The following G3BP2 variants were observed in gnomAD, a reference collection of about 807,000 sequenced individuals.
G3BP2 encodes G3BP stress granule assembly factor 2.
Under a neutral mutation model 56.7 loss-of-function variants are expected in G3BP2, and 11 were observed. The observed-to-expected ratio is 0.19, with a 90% CI of 0.12 to 0.32. The LOEUF is 0.32. Among genes scored for constraint, G3BP2 ranks in the 10% least tolerant of loss-of-function variants. The pLI is 1.00. For synonymous variants in G3BP2, 165 were observed against 191.6 expected, an observed-to-expected ratio of 0.86 and a Z score of 1.15; for missense variants, 340 against 610.9, an observed-to-expected ratio of 0.56 and a Z score of 4.67.
At chr4:75,673,685 C>T, upstream of G3BP2, 2 of 1,148,724 alleles carry the variant, frequency 1.7e-6, no homozygotes. Flanking sequence ...GAGGCTCCAG[C>T]CTTGCCGCCC....
chr4:75,713,998 C>T (rs1719844480), intron 3 of G3BP2, among the ~76,000 whole-genome samples: 1 of 152,102 alleles, frequency 6.6e-6, no homozygotes, highest in Non-Finnish European at 1.5e-5. Context: ...ATGAAAGACA[C>T]AGAAAGATGG....
chr4:75,645,767 G>C, intron 11 of G3BP2, 65 bp from the exon 12 acceptor site: 1 of 1,397,702 alleles, frequency 7.2e-7, no homozygotes, highest in Admixed American at 1.8e-5. Flanking sequence ...TGATTACTCT[G>C]AACAGGTCAG....
At chr4:75,666,687 T>C (rs538891985) in intron 1 of G3BP2, among the ~76,000 whole-genome samples, 1 of 152,084 alleles carries the variant, frequency 6.6e-6, no homozygotes, top group Non-Finnish European at 1.5e-5. Flanking sequence ...CGTAAGAAGG[T>C]TGAGAAAAAG....
chr4:75,692,564 C>T (rs13119325), intron 3 of G3BP2, among the ~76,000 whole-genome samples: 35,187 of 151,962 alleles, frequency 0.23, 4,339 homozygotes, highest in Middle Eastern at 0.36. Context: ...CCCACCTCGG[C>T]CTCCCAAAGT....
Position 75,648,574 on chromosome 4 carries a change from T to G in G3BP2, c.928+65A>C, listed in dbSNP as rs1731420176. 4.8e-6 allele frequency: 4 copies of G among 841,902 alleles called. No homozygotes were observed. In the Admixed American group the frequency reaches 8.3e-5, roughly 17 times the overall value. The allele number at this position is 841,902 out of a possible 1,614,324, so 52.2% of individuals were successfully genotyped here. The stretch of plus-strand genomic sequence containing the variant: ...TATAGAACGCATCATAGTTTTTTGT[T>G]TAAGTTCAGTCTTTTACAGCCTTAC... On this transcript the variant is annotated intron_variant, in intron 9 of 11. Transcript: ENST00000359707.
At chr4:75,645,973 G>A (rs933283688) in intron 11 of G3BP2, among the ~76,000 whole-genome samples, 3 of 151,972 alleles carry the variant, frequency 2.0e-5, no homozygotes, top group Non-Finnish European at 4.4e-5. Flanking sequence ...ACCATGGCCG[G>A]CTATTTTTCT....
At chr4:75,687,198 G>T (rs1000476824) in intron 3 of G3BP2, among the ~76,000 whole-genome samples, 5 of 152,098 alleles carry the variant, frequency 3.3e-5, no homozygotes, top group Non-Finnish European at 7.4e-5. Context: ...CCTATGGGTT[G>T]TGGAAGGGAC....
chr4:75,691,967 C>A (rs535983877), intron 3 of G3BP2, among the ~76,000 whole-genome samples: 1 of 152,148 alleles, frequency 6.6e-6, no homozygotes, highest in Non-Finnish European at 1.5e-5. Flanking sequence ...AATCTAAATT[C>A]TCTGCCATTT....
chr4:75,702,945 C>T (rs776583678), intron 3 of G3BP2, among the ~76,000 whole-genome samples: 1 of 152,220 alleles, frequency 6.6e-6, no homozygotes, highest in Non-Finnish European at 1.5e-5. Flanking sequence ...GCAAGGGCCA[C>T]TTGGCCACTC....
intron 3 of G3BP2, among the ~76,000 whole-genome samples, chr4:75,687,964 T>C (rs1432614978): frequency 6.6e-6 from 1 of 152,226 alleles, no homozygotes; most frequent in Non-Finnish European, 1.5e-5. Context: ...ATGCATAATG[T>C]TTGCAGGTGG....
chr4:75,718,995 G>A (rs1720037207), intron 3 of G3BP2, among the ~76,000 whole-genome samples: 1 of 152,216 alleles, frequency 6.6e-6, no homozygotes, highest in Admixed American at 6.5e-5. Context: ...AGACTTCTCA[G>A]TAACATGAGC....
chr4:75,683,313 G>T (rs1734153765), intron 3 of G3BP2, among the ~76,000 whole-genome samples: 1 of 152,120 alleles, frequency 6.6e-6, no homozygotes, highest in Admixed American at 6.6e-5. Context: ...TGTAATCCCA[G>T]CATTTTGTGA....
intron 3 of G3BP2, among the ~76,000 whole-genome samples, chr4:75,697,302 GAT>G (rs1719165331): frequency 1.9e-5 from 1 of 53,362 alleles, no homozygotes; most frequent in Admixed American, 2.4e-4. Flanking sequence ...AAAAAAAAAA[GAT>G]CATGAAATTG....
At chr4:75,650,622 TCTA>T (rs1250525671) in intron 8 of G3BP2, among the ~76,000 whole-genome samples, 1 of 152,198 alleles carries the variant, frequency 6.6e-6, no homozygotes, top group Non-Finnish European at 1.5e-5. Context: ...ATTCTAGAAT[TCTA>T]CTAGTTATAA....
At chr4:75,667,423 A>G (rs1733142247) in intron 1 of G3BP2, among the ~76,000 whole-genome samples, 1 of 152,138 alleles carries the variant, frequency 6.6e-6, no homozygotes, top group South Asian at 2.1e-4. Context: ...TCACCTAACA[A>G]CCTTTTTAGA....
intron 3 of G3BP2, among the ~76,000 whole-genome samples, chr4:75,658,415 A>G (rs1415197379): frequency 6.6e-6 from 1 of 150,408 alleles, no homozygotes; most frequent in Non-Finnish European, 1.5e-5. Context: ...TCAGTTACCA[A>G]TAACAATCAT....
chr4:75,661,009 A>C (rs1453340217), intron 2 of G3BP2, among the ~76,000 whole-genome samples: 1 of 152,252 alleles, frequency 6.6e-6, no homozygotes, highest in Non-Finnish European at 1.5e-5. Context: ...GAAGAAATAC[A>C]AATTTTCACA....
At chr4:75,647,485 G>A (rs1449954441) in intron 9 of G3BP2, among the ~76,000 whole-genome samples, 1 of 57,414 alleles carries the variant, frequency 1.7e-5, no homozygotes, top group African/African-American at 6.4e-5. Flanking sequence ...ATTTCAGATA[G>A]TGAGGTATAG....
At chr4:75,694,107 T>G (rs1718996116) in intron 3 of G3BP2, among the ~76,000 whole-genome samples, 1 of 152,154 alleles carries the variant, frequency 6.6e-6, no homozygotes, top group Admixed American at 6.5e-5. Flanking sequence ...AGTAACTATT[T>G]AGTAAATGAA....
Sources: allele counts gnomAD v4.1 joint callset (sites outside exome capture counted in the v4.1 genomes callset), GRCh38; gene constraint gnomAD v4.1.1; transcripts MANE v1.5; gene names NCBI Gene and HGNC (gene_info 2026-07-23, HGNC 2026-07-21).